ANKS3: variants seen among roughly 807,000 people sequenced by gnomAD.
The protein encoded by ANKS3 is ankyrin repeat and sterile alpha motif domain containing 3.
A neutral mutation model predicts 80.7 loss-of-function variants in ANKS3; 62 were observed. That is an observed-to-expected ratio of 0.77 (90% CI 0.63 to 0.95). The LOEUF is 0.95. ANKS3 is among the 40% of genes least tolerant of loss of function. The pLI, the probability that ANKS3 is intolerant of heterozygous loss-of-function variation, is 0.00. For synonymous variants in ANKS3, 489 were observed against 355.3 expected (o/e 1.38, Z -4.23); for missense variants, 1,150 against 883.6 (o/e 1.30, Z -3.82).
chr16:4,730,182 T>C, intron 2 of ANKS3, 31 bp from the exon 3 acceptor site: 4 of 1,453,450 alleles, frequency 2.8e-6, no homozygotes, highest in Non-Finnish European at 3.7e-6. Flanking sequence ...GTTAGATCTT[T>C]CCTGGCTGGT....
intron 11 of ANKS3, 56 bp downstream of exon 11, chr16:4,700,914 A>G: frequency 6.2e-7 from 1 of 1,603,736 alleles, no homozygotes; most frequent in Non-Finnish European, 8.5e-7. Context: ...CATGCCTCCT[A>G]AGTCACAAAA....
At chr16:4,714,853 G>A (rs376807666) in intron 6 of ANKS3, among the ~76,000 whole-genome samples, 95 of 151,964 alleles carry the variant, frequency 6.3e-4, no homozygotes, top group African/African-American at 2.2e-3. Flanking sequence ...TTAGCCGGGC[G>A]TGGTGGTGAA....
intron 7 of ANKS3, among the ~76,000 whole-genome samples, chr16:4,708,597 T>C (rs1246886703): frequency 2.6e-5 from 4 of 152,180 alleles, no homozygotes; most frequent in Non-Finnish European, 1.5e-5. Flanking sequence ...GGGTTTTTCT[T>C]GTTTTTCCAC....
chr16:4,727,189 C>G lies in ANKS3; in HGVS notation c.171-12G>C, dbSNP rs1365651646. 3 of 1,613,448 alleles carry G rather than the reference C, an allele frequency of 1.9e-6. No homozygotes were observed. The South Asian group carries it at 3.3e-5, about 18-fold the overall frequency. On this transcript the variant is annotated splice_polypyrimidine_tract_variant and intron_variant, in intron 3 of 17. Coordinates refer to ENST00000304283, the MANE Select transcript of ANKS3 (RefSeq NM_133450.4). Reference sequence around the variant, plus strand: ...AATCTAACTCTCTCCTAAACAAACGCAAGATATGCTAGACATGGCCAGCCG... The same window carrying G: ...AATCTAACTCTCTCCTAAACAAACGGAAGATATGCTAGACATGGCCAGCCG...
Position 4,716,884 on chromosome 16 carries a change from C to T in ANKS3, c.574-2698G>A, listed in dbSNP as rs2080829374. ...GAGCTGAGATCGCGCCACTGCACTA[C>T]AGCCTCGACGACAGACTGAGATTCC... On this transcript the variant is annotated intron_variant, in intron 6 of 17. Transcript: ENST00000304283. Among the ~76,000 whole-genome samples, 3 of 152,104 alleles carry T rather than the reference C, an allele frequency of 2.0e-5. No homozygotes were observed. In the South Asian group the frequency reaches 6.2e-4, roughly 32 times the overall value.
intron 15 of ANKS3, 71 bp from the exon 16 acceptor site, chr16:4,697,487 C>A: frequency 7.7e-7 from 1 of 1,294,920 alleles, no homozygotes; most frequent in South Asian, 1.4e-5. Context: ...TATTCTGAGC[C>A]CATGCAACCA....
At chr16:4,724,978 A>G (rs1041466998) in intron 5 of ANKS3, 147 bp from the exon 6 acceptor site, 4 of 629,366 alleles carry the variant, frequency 6.4e-6, no homozygotes, top group Non-Finnish European at 1.1e-5. Context: ...AACAGGTGAC[A>G]TGAGAACAGT....
intron 2 of ANKS3, among the ~76,000 whole-genome samples, chr16:4,730,539 G>A (rs1400528129): frequency 6.6e-6 from 1 of 152,110 alleles, no homozygotes; most frequent in Non-Finnish European, 1.5e-5. Flanking sequence ...TCCTTGATGT[G>A]GTGGGGAAGA....
At chr16:4,710,479 G>GGGT (rs2080425751) in intron 7 of ANKS3, among the ~76,000 whole-genome samples, 1 of 152,110 alleles carries the variant, frequency 6.6e-6, no homozygotes, top group Non-Finnish European at 1.5e-5. Context: ...AGGCTGAGGC[G>GGGT]GGTGGATTGC....
At chr16:4,698,979 C>T (rs770379990) in intron 12 of ANKS3, 38 bp from the exon 13 acceptor site, 1 of 1,613,200 alleles carries the variant, frequency 6.2e-7, no homozygotes, top group Non-Finnish European at 8.5e-7. Context: ...CCTCAGCGTC[C>T]CAAGAGCGCT....
At chr16:4,731,066 G>A (rs1355270071) in intron 2 of ANKS3, among the ~76,000 whole-genome samples, 2 of 152,130 alleles carry the variant, frequency 1.3e-5, no homozygotes, top group East Asian at 1.9e-4. Context: ...ACACGTGAAT[G>A]AATTTCAAAT....
intron 6 of ANKS3, among the ~76,000 whole-genome samples, chr16:4,721,234 G>A (rs1248052801): frequency 6.7e-6 from 1 of 149,762 alleles, no homozygotes; most frequent in African/African-American, 2.4e-5. Context: ...GAACCCGGAA[G>A]TCTGAGGTTG....
At chr16:4,719,988 C>A (rs1268388386) in intron 6 of ANKS3, among the ~76,000 whole-genome samples, 1 of 149,558 alleles carries the variant, frequency 6.7e-6, no homozygotes, top group Non-Finnish European at 1.5e-5. Flanking sequence ...ATGGTGAAAC[C>A]CTGTCTCCAC....
At chr16:4,697,244 G>GAC (rs2079612279) in intron 16 of ANKS3, 89 bp downstream of exon 16, 1 of 1,542,460 alleles carries the variant, frequency 6.5e-7, no homozygotes, top group Non-Finnish European at 8.9e-7. Flanking sequence ...GGGGTAGAGA[G>GAC]ACACAAACCC....
rs1406553232 is a variant in ANKS3, at chr16:4,705,145, G to A, written c.818C>T (p.Ala273Val). 1.2e-6 allele frequency: 2 copies of A among 1,613,546 alleles called. No individual in the cohort carries two copies. The highest frequency in any genetic ancestry group is 1.1e-5 in the South Asian group (1 of 91,070). ...VSIHEGPRALARITGIGLGGR... is the reference protein window; with the variant it reads ...VSIHEGPRALVRITGIGLGGR... ...GCCCAGGCCAATGCCTGTGATCCTG[G>A]CCAGGGCTCGCGGTCCCTCGTGGAT... The change falls in exon 8 of 18, where the codon GCC becomes GTC. Residue 273 changes from alanine (A) to valine (V), a missense_variant. Ala to Val is a moderately conservative substitution (Grantham distance 64, BLOSUM62 0). Coordinates refer to ENST00000304283, the MANE Select transcript of ANKS3 (RefSeq NM_133450.4).
At chr16:4,720,874 T>C (rs2081053256) in intron 6 of ANKS3, among the ~76,000 whole-genome samples, 1 of 142,812 alleles carries the variant, frequency 7.0e-6, no homozygotes, top group Non-Finnish European at 1.5e-5. Flanking sequence ...GAGGCAGAGG[T>C]TGCAATGAGC....
chr16:4,734,072 G>C lies in ANKS3; in HGVS notation c.-205C>G. On this transcript the variant is annotated 5_prime_UTR_variant, in exon 1 of 18. Coordinates refer to ENST00000304283, the MANE Select transcript of ANKS3 (RefSeq NM_133450.4). ...GGTCCTCCAGTCACGCGGCGAGCAA[G>C]TGCAGCGCGGGACGCCCGAGCGCCG... 2.1e-6 allele frequency: 2 copies of C among 971,236 alleles called. No homozygotes were observed. Among genetic ancestry groups the C allele is most frequent in the Non-Finnish European group, 2.4e-6 (2 of 816,918 alleles). 60.2% of individuals were successfully genotyped at this position (971,236 alleles called of 1,614,324 possible).
rs1279008065 is a variant in ANKS3, at chr16:4,727,095, C to G, written c.253G>C (p.Val85Leu). The part of the protein sequence containing the change: ...YASYIGHDTI[V>L]HLLLEAGVSV... ...ACCCCCGCCTCAAGCAGCAGGTGCA[C>G]GATTGTGTCGTGGCCAATGTAGGAG... The change falls in exon 4 of 18, where the codon GTG becomes CTG. Residue 85 changes from valine (V) to leucine (L), a missense_variant. By Grantham distance (32) the Val-to-Leu change is conservative. Coordinates refer to ENST00000304283, the MANE Select transcript of ANKS3 (RefSeq NM_133450.4). 1.9e-6 allele frequency: 3 copies of G among 1,614,214 alleles called. 1 individual carries two copies. The highest frequency in any genetic ancestry group is 2.5e-6 in the Non-Finnish European group (3 of 1,180,036).
rs781740605 is a variant in ANKS3 at position 4,714,179 on chromosome 16, T to C, written c.581A>G (p.Lys194Arg). 18 of 1,613,964 alleles carry C rather than the reference T, an allele frequency of 1.1e-5. No homozygotes were observed. The Admixed American group carries it at 3.0e-4, about 27-fold the overall frequency. The part of the protein sequence containing the change: ...IVQYFLNHGV[K>R]VDARDHSGAT... The stretch of plus-strand genomic sequence containing the variant: ...TCCACTGTGGTCTCTCGCGTCCACC[T>C]TGACTCCCTGTGAATGTCCGTGAAA... Residue 194 changes from lysine (K) to arginine (R), a missense_variant, in exon 7 of 18, where the codon AAG becomes AGG. Physicochemically the swap from Lys to Arg is conservative, Grantham distance 26. Transcript: ENST00000304283.
Sources: gnomAD v4.1 joint callset for allele counts (sites outside exome capture counted in the v4.1 genomes callset) on GRCh38, gnomAD v4.1.1 for gene constraint, MANE v1.5 for transcripts, NCBI Gene and HGNC (gene_info 2026-07-23, HGNC 2026-07-21) for gene names.